The following TMEM108 variants were observed in gnomAD, a reference collection of about 807,000 sequenced individuals.
The protein encoded by TMEM108 is transmembrane protein 108.
A neutral mutation model predicts 35.1 loss-of-function variants in TMEM108; 12 were observed. The observed-to-expected ratio is 0.34, with a 90% CI of 0.22 to 0.55. The LOEUF (loss-of-function observed/expected upper bound fraction) is 0.55, where lower values mean the gene tolerates loss of function less well. Among genes scored for constraint, TMEM108 ranks in the 20% least tolerant of loss-of-function variants. TMEM108 has a pLI of 0.89. For missense variants in TMEM108, 680 were observed against 753.3 expected (o/e 0.90, Z 1.14); for synonymous variants, 287 against 308.6 (o/e 0.93, Z 0.73).
chr3:133,328,740 G>T (rs532250779), intron 3 of TMEM108, among the ~76,000 whole-genome samples: 1 of 152,178 alleles, frequency 6.6e-6, no homozygotes, highest in East Asian at 1.9e-4. Flanking sequence ...GAGAACAGTG[G>T]ATGGTGGAAC....
intron 2 of TMEM108, among the ~76,000 whole-genome samples, chr3:133,133,382 T>A (rs555413286): frequency 1.3e-5 from 2 of 152,332 alleles, no homozygotes; most frequent in Admixed American, 1.3e-4. Flanking sequence ...CAATAAATTA[T>A]TTTTAATTAA....
intron 2 of TMEM108, among the ~76,000 whole-genome samples, chr3:133,103,588 TA>T (rs895381935): frequency 1.2e-4 from 18 of 151,304 alleles, no homozygotes; most frequent in South Asian, 8.4e-4. Context: ...AAATAGAAGT[TA>T]AAAAAAAATG....
intron 2 of TMEM108, among the ~76,000 whole-genome samples, chr3:133,124,405 G>A (rs868152452): frequency 9.9e-5 from 15 of 152,280 alleles, no homozygotes; most frequent in South Asian, 8.3e-4. Context: ...GAGATTTGAG[G>A]TTCTCTGAGA....
chr3:133,380,951 G>A lies in TMEM108; in HGVS notation c.1240G>A (p.Val414Met), dbSNP rs1193107471. ...TVATLTMTDR[V>M]PSPLSTVVST... The stretch of plus-strand genomic sequence containing the variant: ...GGCCACCCTCACCATGACCGACCGG[G>A]TGCCCAGTCCTCTCTCCACAGTGGT... Residue 414 changes from valine to methionine, a missense_variant, in exon 4 of 6, where the codon GTG becomes ATG. By Grantham distance (21) the Val-to-Met change is conservative. Transcript: ENST00000321871. This position sits in a 1 kb window ranked among gnomAD's most constrained non-coding sequence, Gnocchi z 5.3. 2 of 1,614,120 alleles carry A rather than the reference G, an allele frequency of 1.2e-6. No homozygotes were observed. The highest frequency in any genetic ancestry group is 2.7e-5 in the African/African-American group (2 of 75,008).
intron 3 of TMEM108, among the ~76,000 whole-genome samples, chr3:133,342,406 G>T (rs1021512970): frequency 5.3e-5 from 8 of 150,326 alleles, no homozygotes; most frequent in African/African-American, 1.9e-4. Flanking sequence ...CTTGAGGCAG[G>T]ATGGATACCT....
At chr3:133,390,916 C>G (rs1027407150) in intron 5 of TMEM108, among the ~76,000 whole-genome samples, 24 of 152,314 alleles carry the variant, frequency 1.6e-4, no homozygotes, top group African/African-American at 5.8e-4. Context: ...AATACACTGT[C>G]AGCATATTTG....
intron 3 of TMEM108, among the ~76,000 whole-genome samples, chr3:133,259,788 T>G (rs562395162): frequency 6.6e-6 from 1 of 152,278 alleles, no homozygotes; most frequent in South Asian, 2.1e-4. Context: ...TGGGTGTGAT[T>G]CTTAAAAACA....
chr3:133,182,605 T>C (rs1264128292), intron 2 of TMEM108, among the ~76,000 whole-genome samples: 2 of 152,230 alleles, frequency 1.3e-5, no homozygotes, highest in African/African-American at 4.8e-5. Flanking sequence ...CATTGGCTTA[T>C]GTCTTTATTT....
At chr3:133,054,808 T>C (rs1175185623) in intron 2 of TMEM108, among the ~76,000 whole-genome samples, 1 of 152,206 alleles carries the variant, frequency 6.6e-6, no homozygotes, top group African/African-American at 2.4e-5. Flanking sequence ...AAACAGCCCG[T>C]CATTTCAATG....
chr3:133,124,209 G>A (rs1431984906), intron 2 of TMEM108, among the ~76,000 whole-genome samples: 1 of 152,164 alleles, frequency 6.6e-6, no homozygotes, highest in East Asian at 1.9e-4. Flanking sequence ...ATTTGGGACC[G>A]TGTTGTTTCC....
chr3:133,161,789 C>T (rs1336067051), intron 2 of TMEM108, among the ~76,000 whole-genome samples: 1 of 152,018 alleles, frequency 6.6e-6, no homozygotes, highest in East Asian at 1.9e-4. Context: ...CTGATACTCA[C>T]AGCATTCAAC....
intron 3 of TMEM108, among the ~76,000 whole-genome samples, chr3:133,320,287 G>T (rs2071250290): frequency 6.6e-6 from 1 of 150,924 alleles, no homozygotes; most frequent in Non-Finnish European, 1.5e-5. Flanking sequence ...ATATATACAG[G>T]ATATGGATAA....
At chr3:133,239,462 C>T (rs952529000) in intron 3 of TMEM108, among the ~76,000 whole-genome samples, 4 of 152,152 alleles carry the variant, frequency 2.6e-5, no homozygotes, top group East Asian at 1.9e-4. Context: ...TCCCAGACCC[C>T]GTCCCAGAGC....
At chr3:133,215,381 A>AG in intron 2 of TMEM108, among the ~76,000 whole-genome samples, 1 of 149,798 alleles carries the variant, frequency 6.7e-6, no homozygotes, top group South Asian at 2.2e-4. Flanking sequence ...AAAAAAAAAA[A>AG]GCACTAAATA....
chr3:133,060,865 C>A (rs916727523), intron 2 of TMEM108, among the ~76,000 whole-genome samples: 1 of 152,064 alleles, frequency 6.6e-6, no homozygotes, highest in African/African-American at 2.4e-5. Context: ...CTAGAAATAA[C>A]CTAAATACCT....
chr3:133,373,135 GGC>G (rs1438756297), intron 3 of TMEM108, among the ~76,000 whole-genome samples: 1 of 152,168 alleles, frequency 6.6e-6, no homozygotes, highest in Admixed American at 6.5e-5. Context: ...GAGAGGCCAA[GGC>G]AGGCAGATTG....
In TMEM108 at chr3:133,346,588, T is replaced by C. The variant is rs1047889413; in HGVS notation, c.41-33164T>C. On this transcript the variant is annotated intron_variant, in intron 3 of 5. Transcript: ENST00000321871. The surrounding 1 kb of genome is among the most constrained non-coding windows in gnomAD (Gnocchi z 4.0). Reference sequence around the variant, plus strand: ...TTATTGAATGTATGCAATTATTTTCTTCCAGTCGATGGCTTGTCTTTTATT... The same window carrying C: ...TTATTGAATGTATGCAATTATTTTCCTCCAGTCGATGGCTTGTCTTTTATT... Among the ~76,000 whole-genome samples the C allele has an allele frequency of 6.6e-6, 1 of 152,074 alleles. No individual in the cohort carries two copies. Among genetic ancestry groups the C allele is most frequent in the Non-Finnish European group, 1.5e-5 (1 of 67,954 alleles).
chr3:133,094,240 C>A (rs73005588), intron 2 of TMEM108, among the ~76,000 whole-genome samples: 14,698 of 110,868 alleles, frequency 0.13, 3,339 homozygotes, highest in African/African-American at 0.47. Context: ...CCCACCCCCC[C>A]CACACACACG....
chr3:133,306,142 A>G (rs1001660980), intron 3 of TMEM108, among the ~76,000 whole-genome samples: 1 of 152,120 alleles, frequency 6.6e-6, no homozygotes, highest in African/African-American at 2.4e-5. Flanking sequence ...TTTTTCATTA[A>G]TGGTTTATGC....
Sources: gnomAD v4.1 joint callset for allele counts (sites outside exome capture counted in the v4.1 genomes callset) on GRCh38, gnomAD v4.1.1 for gene constraint, Gnocchi (gnomAD v3.1) non-coding constraint, MANE v1.5 for transcripts, NCBI Gene and HGNC (gene_info 2026-07-23, HGNC 2026-07-21) for gene names.